Variants in TENM4 observed in about 807,000 individuals in gnomAD.
The protein encoded by TENM4 is teneurin-4.
TENM4 carries 82 observed loss-of-function variants against 243.3 expected under a neutral mutation model. The observed-to-expected ratio is 0.34, with a 90% confidence interval of 0.28 to 0.40. The LOEUF is 0.40. Among genes scored for constraint, TENM4 ranks in the 10% least tolerant of loss-of-function variants. The probability of loss-of-function intolerance (pLI) is 1.00; values close to 1 mark genes in which losing one functional copy is unlikely to be tolerated. For missense variants in TENM4, 3,138 were observed against 3,673.3 expected (o/e 0.85, Z 3.77); for synonymous variants, 1,412 against 1,456.3 (o/e 0.97, Z 0.69).
Position 78,688,239 on chromosome 11 carries a change from G to A in TENM4, c.5088-13C>T. Reference sequence around the variant, plus strand: ...AAAGCTGTCGTACCTGGAAACCAAGGGGTGGCACTGAGTAGTAGAAATATA... The same window carrying A: ...AAAGCTGTCGTACCTGGAAACCAAGAGGTGGCACTGAGTAGTAGAAATATA... On this transcript the variant is annotated splice_polypyrimidine_tract_variant and intron_variant, in intron 28 of 33. Coordinates refer to ENST00000278550, the MANE Select transcript of TENM4 (RefSeq NM_001098816.3). 1 of 1,611,302 alleles carries A rather than the reference G, an allele frequency of 6.2e-7. No individual in the cohort carries two copies. The highest frequency in any genetic ancestry group is 8.5e-7 in the Non-Finnish European group (1 of 1,178,346).
intron 1 of TENM4, among the ~76,000 whole-genome samples, chr11:79,350,890 T>C (rs955808011): frequency 6.6e-6 from 1 of 152,094 alleles, no homozygotes; most frequent in South Asian, 2.1e-4. Flanking sequence ...CCAATTACCC[T>C]CTATGCTCTC....
intron 4 of TENM4, among the ~76,000 whole-genome samples, chr11:79,146,419 A>G (rs1231887145): frequency 6.6e-6 from 1 of 152,134 alleles, no homozygotes; most frequent in African/African-American, 2.4e-5. Context: ...AATAATTGCC[A>G]GCCCCATGGC....
intron 8 of TENM4, among the ~76,000 whole-genome samples, chr11:78,890,953 A>G (rs929758262): frequency 6.6e-6 from 1 of 152,198 alleles, no homozygotes; most frequent in Non-Finnish European, 1.5e-5. Context: ...TCCATACAAT[A>G]CAGGGCCTGT....
At chr11:79,177,845 GC>G (rs1312465858) in intron 3 of TENM4, among the ~76,000 whole-genome samples, 2 of 152,118 alleles carry the variant, frequency 1.3e-5, no homozygotes, top group Non-Finnish European at 2.9e-5. Flanking sequence ...ATCAGGGTGG[GC>G]CCTGCTGTGA....
chr11:78,770,994 C>A lies in TENM4; in HGVS notation c.2537G>T (p.Gly846Val). ...GCCCATGGGTGCCAGAGCCCTACCTCCATCATTGTCTTTGCTGTCACCGCA... is the reference window on the plus strand; with the variant it reads ...GCCCATGGGTGCCAGAGCCCTACCTACATCATTGTCTTTGCTGTCACCGCA... ...TACGDSKDND[G>V]DGLVDCMDPD... The change falls in exon 18 of 34, where the codon GGA becomes GTA. Residue 846 changes from glycine (G) to valine (V), a missense_variant and splice_region_variant. Around this residue, in one of 2 missense-constraint regions of TENM4, gnomAD observed 2,467 missense variants for 3,059.1 expected, o/e 0.81. Transcript: ENST00000278550. The A allele has an allele frequency of 6.3e-7, 1 of 1,582,408 alleles. No homozygotes were observed. The highest frequency in any genetic ancestry group is 1.3e-5 in the African/African-American group (1 of 74,336).
chr11:79,418,538 C>T (rs1858865836), intron 1 of TENM4, among the ~76,000 whole-genome samples: 1 of 152,204 alleles, frequency 6.6e-6, no homozygotes, highest in Non-Finnish European at 1.5e-5. Context: ...CATATGGCTC[C>T]ACCACCCAAC....
At chr11:79,414,943 T>C (rs1351081150) in intron 1 of TENM4, among the ~76,000 whole-genome samples, 1 of 152,206 alleles carries the variant, frequency 6.6e-6, no homozygotes. Context: ...CTTGCCACCG[T>C]TCTATCTGTG....
chr11:79,364,182 A>G (rs1857636713), intron 1 of TENM4, among the ~76,000 whole-genome samples: 1 of 152,228 alleles, frequency 6.6e-6, no homozygotes, highest in South Asian at 2.1e-4. Context: ...TCTGTCATGG[A>G]AACTATTCAT....
chr11:79,213,637 G>T (rs1291368108), intron 3 of TENM4, among the ~76,000 whole-genome samples: 2 of 152,236 alleles, frequency 1.3e-5, no homozygotes, highest in Non-Finnish European at 1.5e-5. Flanking sequence ...GAGCAGCCAA[G>T]TCTCTTGGGC....
At chr11:78,899,563 G>C (rs868737541) in intron 7 of TENM4, among the ~76,000 whole-genome samples, 12 of 136,208 alleles carry the variant, frequency 8.8e-5, no homozygotes, top group Non-Finnish European at 1.1e-4. Context: ...AAAAAGCGGG[G>C]GGGGGGGGAA....
intron 12 of TENM4, among the ~76,000 whole-genome samples, chr11:78,821,203 T>G (rs1161271556): frequency 3.3e-5 from 5 of 152,244 alleles, no homozygotes; most frequent in Non-Finnish European, 7.3e-5. Flanking sequence ...GTTTCCTTAT[T>G]ATATTCAGTC....
At chr11:79,102,633 A>G (rs997988256) in intron 4 of TENM4, among the ~76,000 whole-genome samples, 2 of 152,332 alleles carry the variant, frequency 1.3e-5, no homozygotes, top group South Asian at 2.1e-4. Context: ...CGTAAGCACC[A>G]TGGTCATTGC....
chr11:79,420,624 C>T (rs765936020), intron 1 of TENM4, among the ~76,000 whole-genome samples: 5 of 152,070 alleles, frequency 3.3e-5, no homozygotes, highest in Admixed American at 6.5e-5. Context: ...CATGAAAATA[C>T]ATTAACCTCT....
chr11:78,972,703 A>G (rs1857572474), intron 6 of TENM4, among the ~76,000 whole-genome samples: 1 of 152,166 alleles, frequency 6.6e-6, no homozygotes. Context: ...CATACAGGCC[A>G]CTCAACTAAA....
At chr11:79,390,189 A>G (rs1393376444) in intron 1 of TENM4, among the ~76,000 whole-genome samples, 1 of 152,206 alleles carries the variant, frequency 6.6e-6, no homozygotes, top group East Asian at 1.9e-4. Flanking sequence ...TTGGCAGCCA[A>G]TGGGCATAGG....
At chr11:79,003,400 A>T (rs1258674920) in intron 6 of TENM4, among the ~76,000 whole-genome samples, 1 of 152,098 alleles carries the variant, frequency 6.6e-6, no homozygotes, top group Non-Finnish European at 1.5e-5. Context: ...TGGCAGCTAA[A>T]GGGAAGGGGA....
intron 12 of TENM4, among the ~76,000 whole-genome samples, chr11:78,834,451 G>A (rs898020541): frequency 6.6e-6 from 1 of 152,148 alleles, no homozygotes; most frequent in Non-Finnish European, 1.5e-5. Flanking sequence ...AGAGTGAGAT[G>A]CCAAAAAGCT....
intron 4 of TENM4, among the ~76,000 whole-genome samples, chr11:79,080,573 C>T (rs1030643124): frequency 6.6e-6 from 1 of 152,196 alleles, no homozygotes; most frequent in African/African-American, 2.4e-5. Flanking sequence ...TTGGTGCAGC[C>T]TGAATGTCCC....
chr11:78,938,091 T>C (rs1856824333), intron 6 of TENM4, among the ~76,000 whole-genome samples: 1 of 152,220 alleles, frequency 6.6e-6, no homozygotes, highest in Non-Finnish European at 1.5e-5. Flanking sequence ...AATCTGACTA[T>C]GTTTGGGTCT....
Sources: allele counts gnomAD v4.1 joint callset (sites outside exome capture counted in the v4.1 genomes callset), GRCh38; gene constraint gnomAD v4.1.1; regional missense constraint gnomAD v4.1.1; transcripts MANE v1.5; gene names NCBI Gene and HGNC (gene_info 2026-07-23, HGNC 2026-07-21).